Variants in MAP2 observed in about 807,000 individuals in gnomAD.
MAP2 encodes microtubule associated protein 2, also known as microtubule-associated protein 2.
In MAP2, 14 loss-of-function variants were observed where a neutral mutation model predicts 137.6. The observed-to-expected ratio is 0.10, with a 90% CI of 0.07 to 0.16. MAP2 has a LOEUF of 0.16. MAP2 is among the 10% of genes least tolerant of loss of function. The pLI is 1.00. For synonymous variants in MAP2, 786 were observed against 782.3 expected, an observed-to-expected ratio of 1.00 and a Z score of -0.08; for missense variants, 2,088 against 2,191.5, an observed-to-expected ratio of 0.95 and a Z score of 0.94.
At chr2:209,442,059 T>A (rs1017730433) in intron 1 of MAP2, among the ~76,000 whole-genome samples, 14 of 151,588 alleles carry the variant, frequency 9.2e-5, no homozygotes, top group South Asian at 4.1e-4. Context: ...CTTTTAAATT[T>A]GAGGATTTTC....
At chr2:209,661,628 G>A in intron 5 of MAP2, 1 of 985,484 alleles carries the variant, frequency 1.0e-6, no homozygotes, top group Non-Finnish European at 1.2e-6. Flanking sequence ...GGCATCCGGG[G>A]CTAGAAAGAG....
chr2:209,562,910 T>A (rs536297694), intron 2 of MAP2, among the ~76,000 whole-genome samples: 1 of 152,318 alleles, frequency 6.6e-6, no homozygotes, highest in South Asian at 2.1e-4. Context: ...ATCATTAATG[T>A]TAGTTATCCA....
intron 10 of MAP2, among the ~76,000 whole-genome samples, chr2:209,698,906 T>C (rs967101749): frequency 6.6e-6 from 1 of 152,148 alleles, no homozygotes; most frequent in African/African-American, 2.4e-5. Context: ...GTCATCAGGA[T>C]TGTGGAATTT....
At chr2:209,587,334 CA>C (rs1579312881) in intron 3 of MAP2, among the ~76,000 whole-genome samples, 1 of 152,142 alleles carries the variant, frequency 6.6e-6, no homozygotes, top group East Asian at 1.9e-4. Flanking sequence ...CTTAAAGCCA[CA>C]GGGGAACAGA....
At chr2:209,469,715 G>A (rs1326072614) in intron 1 of MAP2, among the ~76,000 whole-genome samples, 1 of 152,156 alleles carries the variant, frequency 6.6e-6, no homozygotes, top group Non-Finnish European at 1.5e-5. Context: ...GAATGTCAGT[G>A]CCTTGGTTCC....
chr2:209,696,433 C>A (rs1277036726), intron 8 of MAP2, 83 bp downstream of exon 8: 1 of 1,457,004 alleles, frequency 6.9e-7, no homozygotes, highest in African/African-American at 1.4e-5. Flanking sequence ...TTTAAAATAC[C>A]TCTTTATCTC....
chr2:209,601,830 AT>A (rs1247844365), intron 3 of MAP2, among the ~76,000 whole-genome samples: 2 of 152,176 alleles, frequency 1.3e-5, no homozygotes, highest in Non-Finnish European at 2.9e-5. Flanking sequence ...TACTACTTAT[AT>A]TTTTTTAAAT....
At chr2:209,718,804 A>G (rs925575703) in intron 13 of MAP2, among the ~76,000 whole-genome samples, 6 of 152,218 alleles carry the variant, frequency 3.9e-5, no homozygotes, top group African/African-American at 7.2e-5. Context: ...CTATTGTTCA[A>G]TGTAGGCAGG....
At chr2:209,606,047 T>G (rs999686799) in intron 3 of MAP2, among the ~76,000 whole-genome samples, 1 of 152,058 alleles carries the variant, frequency 6.6e-6, no homozygotes, top group East Asian at 1.9e-4. Flanking sequence ...AATGATCAGT[T>G]TTTTTAGTGA....
chr2:209,708,693 A>G (rs541785303), intron 12 of MAP2, among the ~76,000 whole-genome samples: 2 of 152,216 alleles, frequency 1.3e-5, no homozygotes, highest in Non-Finnish European at 2.9e-5. Flanking sequence ...AAAATTTCAG[A>G]AGATTCATTG....
At chr2:209,456,042 A>G (rs950179939) in intron 1 of MAP2, among the ~76,000 whole-genome samples, 1 of 152,182 alleles carries the variant, frequency 6.6e-6, no homozygotes, top group Admixed American at 6.5e-5. Flanking sequence ...AAACCTCTGC[A>G]TCTTTGATCT....
chr2:209,654,559 A>G (rs187306784), intron 5 of MAP2, among the ~76,000 whole-genome samples: 38 of 152,064 alleles, frequency 2.5e-4, no homozygotes, highest in Non-Finnish European at 3.4e-4. Context: ...AATTAATTTT[A>G]TTATTATTGG....
intron 2 of MAP2, among the ~76,000 whole-genome samples, chr2:209,515,674 G>A (rs1205693994): frequency 6.6e-6 from 1 of 152,094 alleles, no homozygotes; most frequent in East Asian, 1.9e-4. Context: ...TAAGATTTGG[G>A]TGGGGACACA....
At chr2:209,444,023 A>G (rs1246083722) in intron 1 of MAP2, among the ~76,000 whole-genome samples, 4 of 151,668 alleles carry the variant, frequency 2.6e-5, no homozygotes, top group Non-Finnish European at 5.9e-5. Context: ...TTTCCTTTGT[A>G]TAATAGTTAA....
chr2:209,510,341 C>T (rs1019731390), intron 2 of MAP2, among the ~76,000 whole-genome samples: 1 of 152,034 alleles, frequency 6.6e-6, no homozygotes, highest in Non-Finnish European at 1.5e-5. Flanking sequence ...GTTTATTTCA[C>T]CATTTACTCA....
chr2:209,556,405 C>A (rs998694618), intron 2 of MAP2, among the ~76,000 whole-genome samples: 3 of 152,078 alleles, frequency 2.0e-5, no homozygotes, highest in Non-Finnish European at 4.4e-5. Flanking sequence ...TTGCCTTAGA[C>A]AAGTTATTTC....
chr2:209,641,218 T>G (rs1358573274), intron 4 of MAP2, among the ~76,000 whole-genome samples: 3 of 152,134 alleles, frequency 2.0e-5, no homozygotes, highest in Non-Finnish European at 2.9e-5. Context: ...CCAATATTCT[T>G]CAGAGTTGTG....
intron 3 of MAP2, among the ~76,000 whole-genome samples, chr2:209,584,407 A>G (rs1420152338): frequency 1.3e-5 from 2 of 152,202 alleles, no homozygotes; most frequent in Non-Finnish European, 2.9e-5. Flanking sequence ...GCAGAAAAAC[A>G]GGACTCTTAG....
chr2:209,527,323 G>A (rs1156762864), intron 2 of MAP2, among the ~76,000 whole-genome samples: 2 of 151,996 alleles, frequency 1.3e-5, no homozygotes, highest in Non-Finnish European at 2.9e-5. Context: ...AATGTTCATA[G>A]AGCAGGAACA....
Sources: gnomAD v4.1 joint callset for allele counts (sites outside exome capture counted in the v4.1 genomes callset) on GRCh38, gnomAD v4.1.1 for gene constraint, MANE v1.5 for transcripts, NCBI Gene and HGNC (gene_info 2026-07-23, HGNC 2026-07-21) for gene names.